Variants in PCSK5 observed in about 807,000 individuals in gnomAD.
PCSK5 encodes the protein prohormone convertase 5.
PCSK5 carries 129 observed loss-of-function variants against 233.2 expected under a neutral mutation model. That is an observed-to-expected ratio of 0.55 (90% confidence interval 0.48 to 0.64). The LOEUF (loss-of-function observed/expected upper bound fraction) is 0.64. Among genes scored for constraint, PCSK5 ranks in the 30% least tolerant of loss-of-function variants. The pLI is 0.00. For synonymous variants in PCSK5, 825 were observed against 879.2 expected, an observed-to-expected ratio of 0.94 and a Z score of 1.09; for missense variants, 2,076 against 2,430.1, an observed-to-expected ratio of 0.85 and a Z score of 3.06.
At chr9:76,336,887 T>G (rs541270407) in intron 34 of PCSK5, among the ~76,000 whole-genome samples, 1 of 152,214 alleles carries the variant, frequency 6.6e-6, no homozygotes, top group African/African-American at 2.4e-5. Flanking sequence ...AACTGTAGTC[T>G]TGTTCCAGAG....
intron 5 of PCSK5, among the ~76,000 whole-genome samples, chr9:76,052,985 C>G (rs1454745081): frequency 6.6e-6 from 1 of 152,234 alleles, no homozygotes; most frequent in Non-Finnish European, 1.5e-5. Context: ...TCCTTTGACT[C>G]CATGTCTCAC....
At chr9:76,016,579 G>A (rs1202666461) in intron 3 of PCSK5, among the ~76,000 whole-genome samples, 1 of 152,172 alleles carries the variant, frequency 6.6e-6, no homozygotes, top group Non-Finnish European at 1.5e-5. Flanking sequence ...CATAAAACAT[G>A]GTTTAGCACC....
At chr9:75,954,901 C>A (rs1825024249) in intron 2 of PCSK5, among the ~76,000 whole-genome samples, 1 of 152,154 alleles carries the variant, frequency 6.6e-6, no homozygotes, top group Non-Finnish European at 1.5e-5. Flanking sequence ...CTCTGAAATG[C>A]TATCTATTTG....
intron 2 of PCSK5, among the ~76,000 whole-genome samples, chr9:75,983,773 A>G (rs541392167): frequency 4.5e-4 from 69 of 152,332 alleles, no homozygotes; most frequent in African/African-American, 1.6e-3. Context: ...TCTTGGCAAG[A>G]AATAAAATCT....
intron 10 of PCSK5, among the ~76,000 whole-genome samples, chr9:76,155,552 G>C (rs993035786): frequency 3.3e-5 from 5 of 152,194 alleles, no homozygotes; most frequent in Non-Finnish European, 1.5e-5. Context: ...TGATGGCACA[G>C]ATAAAAGTGC....
chr9:75,948,495 C>G (rs920491667), intron 2 of PCSK5, among the ~76,000 whole-genome samples: 1 of 151,894 alleles, frequency 6.6e-6, no homozygotes, highest in South Asian at 2.1e-4. Flanking sequence ...AACTCATGTC[C>G]TTTTTTATGG....
chr9:76,001,877 G>A (rs145569284), intron 3 of PCSK5, among the ~76,000 whole-genome samples: 88 of 152,212 alleles, frequency 5.8e-4, no homozygotes, highest in African/African-American at 1.7e-3. Context: ...CAAGTGAAAG[G>A]GAATGTGCAG....
At chr9:76,130,293 G>A (rs923762468) in intron 9 of PCSK5, among the ~76,000 whole-genome samples, 8 of 152,086 alleles carry the variant, frequency 5.3e-5, no homozygotes, top group Non-Finnish European at 5.9e-5. Flanking sequence ...AGGACGCGAC[G>A]TGCCATACTT....
intron 3 of PCSK5, among the ~76,000 whole-genome samples, chr9:75,990,177 C>T (rs1213412777): frequency 6.6e-6 from 1 of 152,164 alleles, no homozygotes; most frequent in Non-Finnish European, 1.5e-5. Flanking sequence ...TACCCTTCTT[C>T]CTTTTCCTGA....
At chr9:76,260,117 C>G (rs1827120817) in intron 24 of PCSK5, among the ~76,000 whole-genome samples, 1 of 152,158 alleles carries the variant, frequency 6.6e-6, no homozygotes, top group Non-Finnish European at 1.5e-5. Context: ...GAAATTAATC[C>G]TGGCTCAGCT....
intron 9 of PCSK5, among the ~76,000 whole-genome samples, chr9:76,110,378 G>A (rs146833305): frequency 0.012 from 1,782 of 152,324 alleles, 16 homozygotes; most frequent in Non-Finnish European, 0.019. Flanking sequence ...CCAGATTACT[G>A]TATTTACTCA....
intron 10 of PCSK5, among the ~76,000 whole-genome samples, chr9:76,138,253 G>A (rs1339244): frequency 0.22 from 33,015 of 151,628 alleles, 3,818 homozygotes; most frequent in Middle Eastern, 0.36. Flanking sequence ...GTCAAGCCCC[G>A]ACAATCTGCC....
intron 24 of PCSK5, among the ~76,000 whole-genome samples, chr9:76,279,483 G>A (rs1343649240): frequency 6.6e-6 from 1 of 151,846 alleles, no homozygotes; most frequent in Non-Finnish European, 1.5e-5. Context: ...CTGAGGAATC[G>A]CCACACTGAC....
chr9:75,999,639 A>G (rs949215370), intron 3 of PCSK5, among the ~76,000 whole-genome samples: 1 of 152,224 alleles, frequency 6.6e-6, no homozygotes, highest in Non-Finnish European at 1.5e-5. Context: ...TGGGTGGCCC[A>G]GGTGTTGCTT....
At chr9:76,172,039 G>A (rs1412259238) in intron 13 of PCSK5, among the ~76,000 whole-genome samples, 1 of 152,092 alleles carries the variant, frequency 6.6e-6, no homozygotes, top group Non-Finnish European at 1.5e-5. Flanking sequence ...ACATCAGTAA[G>A]CGAATAGAAA....
intron 24 of PCSK5, among the ~76,000 whole-genome samples, chr9:76,253,364 T>C (rs899436812): frequency 2.0e-5 from 3 of 152,132 alleles, no homozygotes; most frequent in Non-Finnish European, 4.4e-5. Context: ...AACAGTTCTG[T>C]CTTTAAAAAA....
intron 7 of PCSK5, among the ~76,000 whole-genome samples, chr9:76,082,226 C>T (rs1830868820): frequency 6.6e-6 from 1 of 152,162 alleles, no homozygotes; most frequent in Non-Finnish European, 1.5e-5. Context: ...GTTTCATTTA[C>T]CATGGTGAGC....
At position 76,240,627 on chromosome 9, in the gene PCSK5, G is replaced by A. The variant is rs1359558642; in HGVS notation, c.3085G>A (p.Asp1029Asn). ...KLECGQGEVQ[D>N]PDYEECVPCE... ...CTCTGTCTGTGTAGGTGAAGTCCAA[G>A]ACCCAGACTATGAAGAATGTGTCCC... The change falls in exon 24 of 38, where the codon GAC becomes AAC. Residue 1029 changes from aspartate to asparagine, a missense_variant. Physicochemically the swap from Asp to Asn is conservative, Grantham distance 23. Coordinates refer to ENST00000674117, the MANE Select transcript of PCSK5 (RefSeq NM_001372043.1). 1 of 1,575,048 alleles carries A rather than the reference G, an allele frequency of 6.3e-7. No homozygotes were observed. Among genetic ancestry groups the A allele is most frequent in the South Asian group, 1.2e-5 (1 of 86,000 alleles).
chr9:76,057,797 A>G (rs562861503), intron 5 of PCSK5, among the ~76,000 whole-genome samples: 1 of 143,480 alleles, frequency 7.0e-6, no homozygotes, highest in South Asian at 2.3e-4. Context: ...CTTTCCTGGT[A>G]TGGTACATCT....
Sources: gnomAD v4.1 joint callset for allele counts (sites outside exome capture counted in the v4.1 genomes callset) on GRCh38, gnomAD v4.1.1 for gene constraint, MANE v1.5 for transcripts, NCBI Gene and HGNC (gene_info 2026-07-23, HGNC 2026-07-21) for gene names.